The following GRIN2B variants were observed in gnomAD, a reference collection of about 807,000 sequenced individuals.
GRIN2B encodes the protein glutamate ionotropic receptor NMDA type subunit 2B.
Under a neutral mutation model 114.5 loss-of-function variants are expected in GRIN2B, and 5 were observed. The observed-to-expected ratio is 0.04, with a 90% CI of 0.02 to 0.09. The LOEUF (loss-of-function observed/expected upper bound fraction) is 0.09, where lower values mean the gene tolerates loss of function less well. GRIN2B is among the 10% of genes least tolerant of loss of function. The probability of loss-of-function intolerance (pLI) is 1.00; values close to 1 mark genes in which losing one functional copy is unlikely to be tolerated. For missense variants in GRIN2B, 1,108 were observed against 1,943.5 expected, an observed-to-expected ratio of 0.57 and a Z score of 8.08; for synonymous variants, 787 against 745.1, an observed-to-expected ratio of 1.06 and a Z score of -0.92.
chr12:13,701,513 CAAAAAAA>C (rs10536664), intron 4 of GRIN2B, among the ~76,000 whole-genome samples: 1 of 130,784 alleles, frequency 7.6e-6, no homozygotes, highest in Non-Finnish European at 1.6e-5. Flanking sequence ...TTCAGTGGCA[CAAAAAAA>C]AAAAAAAAAG....
intron 4 of GRIN2B, among the ~76,000 whole-genome samples, chr12:13,737,915 TTA>T (rs1863214146): frequency 6.6e-6 from 1 of 152,184 alleles, no homozygotes. Flanking sequence ...TTCTGAAAAA[TTA>T]TGTTCTTTCT....
Position 13,563,706 on chromosome 12 carries a change from G to A in GRIN2B, c.3532C>T (p.His1178Tyr), listed in dbSNP as rs1948586953. 1.2e-6 allele frequency: 2 copies of A among 1,613,434 alleles called. No homozygotes were observed. Among genetic ancestry groups the A allele is most frequent in the South Asian group, 2.2e-5 (2 of 91,082 alleles). The change falls in exon 14 of 14, where the codon CAC (histidine) becomes TAC (tyrosine). Residue 1178 changes from histidine (H) to tyrosine (Y), a missense_variant. By Grantham distance (83) the His-to-Tyr change is moderately conservative. This residue lies in a region of GRIN2B where 478 missense variants were observed against 506.0 expected (regional missense o/e 0.94). Coordinates refer to ENST00000609686, the MANE Select transcript of GRIN2B (RefSeq NM_000834.5). Reference sequence around the variant, plus strand: ...TTGTCGCCCGTCCCGTGCTTGATGTGAGACCTGTTGGTACAGGGCCCTCCT... The same window carrying A: ...TTGTCGCCCGTCCCGTGCTTGATGTAAGACCTGTTGGTACAGGGCCCTCCT... Reference protein sequence around the residue: ...SGGGPCTNRSHIKHGTGDKHG... With the variant: ...SGGGPCTNRSYIKHGTGDKHG...
At chr12:13,812,160 C>T (rs1030060351) in intron 3 of GRIN2B, among the ~76,000 whole-genome samples, 4 of 152,022 alleles carry the variant, frequency 2.6e-5, no homozygotes, top group East Asian at 1.9e-4. Context: ...CCATAAAAAT[C>T]GATTGAACAA....
chr12:13,957,613 C>A (rs949854980), intron 2 of GRIN2B, among the ~76,000 whole-genome samples: 1 of 152,254 alleles, frequency 6.6e-6, no homozygotes, highest in East Asian at 1.9e-4. Context: ...CACACAGGAA[C>A]GAGTGCTGAG....
At chr12:13,972,977 G>A (rs559914666) in intron 2 of GRIN2B, among the ~76,000 whole-genome samples, 23 of 152,228 alleles carry the variant, frequency 1.5e-4, no homozygotes, top group Non-Finnish European at 2.8e-4. Context: ...CACTAATCTC[G>A]AATCCAAAGT....
In GRIN2B at chr12:13,548,955, A is replaced by G. The variant is rs1188552601; in HGVS notation, c.*13828T>C. 6.6e-6 allele frequency: 1 copy of G among 151,968 alleles called. No homozygotes were observed. Among genetic ancestry groups the G allele is most frequent in the East Asian group, 1.9e-4 (1 of 5,172 alleles). The allele number at this position is 151,968 out of a possible 1,614,324, so 9.4% of individuals were successfully genotyped here. A position where few individuals can be genotyped will look rare whatever the true frequency, so the allele number is the denominator to read the frequency against. ...CACTCATTCATCTAAGGACTTTTCC[A>G]TCTTCCTACCTCCTCTCCTATCTTC... On this transcript the variant is annotated 3_prime_UTR_variant, in exon 14 of 14. Transcript: ENST00000609686.
At chr12:13,936,893 A>G (rs1227012338) in intron 2 of GRIN2B, among the ~76,000 whole-genome samples, 1 of 152,074 alleles carries the variant, frequency 6.6e-6, no homozygotes, top group Non-Finnish European at 1.5e-5. Flanking sequence ...AAGTACACTA[A>G]CTGAAATGAA....
chr12:13,788,874 C>T (rs1864264288), intron 3 of GRIN2B, among the ~76,000 whole-genome samples: 1 of 152,198 alleles, frequency 6.6e-6, no homozygotes, highest in African/African-American at 2.4e-5. Flanking sequence ...TTGGCCTGAG[C>T]ATCATTACCT....
rs187145060 is a variant in GRIN2B at position 13,684,845 on chromosome 12, C to T, written c.1011-8986G>A. 6.6e-5 allele frequency among the ~76,000 whole-genome samples: 10 copies of T among 152,262 alleles called. 1 individual carries two copies. In the East Asian group the frequency reaches 1.4e-3, roughly 21 times the overall value. On this transcript the variant is annotated intron_variant, in intron 4 of 13. Coordinates refer to ENST00000609686, the MANE Select transcript of GRIN2B (RefSeq NM_000834.5). ...TCAAAGGCTAGCTGATCACTGACTACGTTATCTCTTTTTTGTGACTATTAA... is the reference window on the plus strand; with the variant it reads ...TCAAAGGCTAGCTGATCACTGACTATGTTATCTCTTTTTTGTGACTATTAA...
intron 3 of GRIN2B, among the ~76,000 whole-genome samples, chr12:13,850,486 C>A (rs1865541991): frequency 6.6e-6 from 1 of 152,196 alleles, no homozygotes; most frequent in South Asian, 2.1e-4. Context: ...CATGCAGCTG[C>A]AGCTCCCAGG....
intron 2 of GRIN2B, among the ~76,000 whole-genome samples, chr12:13,906,515 C>G (rs1037501196): frequency 6.6e-6 from 1 of 152,126 alleles, no homozygotes. Context: ...TGGTTATACC[C>G]TAGAAAATGT....
intron 10 of GRIN2B, among the ~76,000 whole-genome samples, chr12:13,602,406 C>T (rs560228971): frequency 3.3e-5 from 5 of 152,144 alleles, no homozygotes; most frequent in African/African-American, 4.8e-5. Context: ...ATGGTCTGAG[C>T]GAGATGTTCT....
intron 3 of GRIN2B, among the ~76,000 whole-genome samples, chr12:13,781,629 A>G (rs996801085): frequency 1.3e-5 from 2 of 152,232 alleles, no homozygotes; most frequent in Non-Finnish European, 2.9e-5. Context: ...CCTGAGATGT[A>G]TAATGCACCC....
At chr12:13,937,111 T>G in intron 2 of GRIN2B, among the ~76,000 whole-genome samples, 1 of 128,522 alleles carries the variant, frequency 7.8e-6, no homozygotes, top group African/African-American at 2.9e-5. Flanking sequence ...GGGGGGAAGA[T>G]TGAAGAAAAA....
chr12:13,902,646 A>G (rs1362790797), intron 2 of GRIN2B, among the ~76,000 whole-genome samples: 6 of 152,064 alleles, frequency 3.9e-5, no homozygotes, highest in Admixed American at 3.9e-4. Context: ...CCCCGTCTCT[A>G]CTGAAAATAC....
Position 13,560,327 on chromosome 12 carries a change from A to G in GRIN2B, c.*2456T>C, listed in dbSNP as rs1948525402. 6.6e-6 allele frequency: 1 copy of G among 151,818 alleles called. No individual in the cohort carries two copies. Among genetic ancestry groups the G allele is most frequent in the African/African-American group, 2.4e-5 (1 of 41,328 alleles). The allele number at this position is 151,818 out of a possible 1,614,324, so 9.4% of individuals were successfully genotyped here. ...CTTTTTCCCTCTCATTCCCATCACC[A>G]CCCCACTCCCTCCAGCCCAACACCC... On this transcript the variant is annotated 3_prime_UTR_variant, in exon 14 of 14. Coordinates refer to ENST00000609686, the MANE Select transcript of GRIN2B (RefSeq NM_000834.5).
At chr12:13,924,342 C>G (rs1287063156) in intron 2 of GRIN2B, among the ~76,000 whole-genome samples, 1 of 152,166 alleles carries the variant, frequency 6.6e-6, no homozygotes, top group African/African-American at 2.4e-5. Flanking sequence ...AGGGAACCAA[C>G]AAGGACTGGT....
intron 4 of GRIN2B, among the ~76,000 whole-genome samples, chr12:13,679,518 A>C (rs1209880646): frequency 6.6e-6 from 1 of 152,038 alleles, no homozygotes; most frequent in East Asian, 1.9e-4. Flanking sequence ...CTACCTAAGC[A>C]CTCCTCACAT....
At chr12:13,867,924 A>G in intron 2 of GRIN2B, among the ~76,000 whole-genome samples, 1 of 152,130 alleles carries the variant, frequency 6.6e-6, no homozygotes, top group East Asian at 1.9e-4. Context: ...AGAGATTAAA[A>G]ATCTAAAAGT....
Sources: allele counts gnomAD v4.1 joint callset (sites outside exome capture counted in the v4.1 genomes callset), GRCh38; gene constraint gnomAD v4.1.1; regional missense constraint gnomAD v4.1.1; transcripts MANE v1.5; gene names NCBI Gene and HGNC (gene_info 2026-07-23, HGNC 2026-07-21).